The following CERS6 variants were observed in gnomAD, a reference collection of about 807,000 sequenced individuals.
CERS6 encodes the protein ceramide synthase 6, also known as LAG1 homolog, ceramide synthase 6.
Under a neutral mutation model 56.8 loss-of-function variants are expected in CERS6, and 26 were observed. The observed-to-expected ratio is 0.46, with a 90% CI of 0.34 to 0.63. The LOEUF (loss-of-function observed/expected upper bound fraction) is 0.63. CERS6 is among the 30% of genes least tolerant of loss of function. CERS6 has a pLI of 0.01. For synonymous variants in CERS6, 164 were observed against 173.3 expected (o/e 0.95, Z 0.42); for missense variants, 415 against 467.5 (o/e 0.89, Z 1.04).
chr2:168,591,843 G>A (rs947125952), intron 3 of CERS6, among the ~76,000 whole-genome samples: 4 of 152,244 alleles, frequency 2.6e-5, no homozygotes, highest in African/African-American at 9.6e-5. Flanking sequence ...TTAGATTTTA[G>A]AGAAGGGGAC....
intron 8 of CERS6, among the ~76,000 whole-genome samples, chr2:168,728,626 ATTACTC>A (rs970606191): frequency 5.9e-5 from 9 of 151,358 alleles, no homozygotes; most frequent in African/African-American, 2.2e-4. Context: ...ACCTCAGGCA[ATTACTC>A]TTAATATTGA....
At chr2:168,696,562 C>T (rs1686651939) in intron 6 of CERS6, among the ~76,000 whole-genome samples, 1 of 152,212 alleles carries the variant, frequency 6.6e-6, no homozygotes, top group Non-Finnish European at 1.5e-5. Flanking sequence ...GCCAGATTGA[C>T]TGAGTGGCTT....
In CERS6 at chr2:168,769,823, A is replaced by T. The variant is rs545674469; in HGVS notation, c.*161A>T. On this transcript the variant is annotated 3_prime_UTR_variant, in exon 10 of 10. Transcript: ENST00000305747. ...TGCACTGCCATGTGTCCTGTCTGTG[A>T]ATGAAGAAGAATTACCATTCTCTCT... 3.4e-5 allele frequency: 22 copies of T among 646,808 alleles called. No individual in the cohort carries two copies. The highest frequency in any genetic ancestry group is 3.4e-4 in the Admixed American group (10 of 29,624). The allele number at this position is 646,808 out of a possible 1,614,324, so 40.1% of individuals were successfully genotyped here.
At chr2:168,462,710 AT>A (rs946748909) in intron 1 of CERS6, among the ~76,000 whole-genome samples, 1 of 150,842 alleles carries the variant, frequency 6.6e-6, no homozygotes, top group Non-Finnish European at 1.5e-5. Flanking sequence ...CTAATTTTTA[AT>A]TTTTTTTTGG....
At chr2:168,624,971 T>C (rs1205838072) in intron 3 of CERS6, among the ~76,000 whole-genome samples, 1 of 152,200 alleles carries the variant, frequency 6.6e-6, no homozygotes, top group Non-Finnish European at 1.5e-5. Context: ...TGCTCATTTG[T>C]CCAACTGTAT....
intron 8 of CERS6, among the ~76,000 whole-genome samples, chr2:168,726,638 C>T (rs774271176): frequency 1.6e-4 from 25 of 152,238 alleles, no homozygotes; most frequent in African/African-American, 3.9e-4. Context: ...ATGTCCTCAT[C>T]GGTAAAATAA....
At chr2:168,630,268 T>C (rs928947088) in intron 3 of CERS6, among the ~76,000 whole-genome samples, 22 of 150,830 alleles carry the variant, frequency 1.5e-4, no homozygotes, top group African/African-American at 5.1e-4. Context: ...ATTGGGAATT[T>C]AGTACTAGAG....
intron 1 of CERS6, among the ~76,000 whole-genome samples, chr2:168,512,255 G>C (rs1397177618): frequency 6.6e-6 from 1 of 152,100 alleles, no homozygotes; most frequent in Non-Finnish European, 1.5e-5. Flanking sequence ...TCTGGAGATG[G>C]ATGGTGGTGA....
chr2:168,537,862 C>T (rs1471975924), intron 1 of CERS6, among the ~76,000 whole-genome samples: 1 of 152,184 alleles, frequency 6.6e-6, no homozygotes, highest in Non-Finnish European at 1.5e-5. Context: ...GCCTAATAAG[C>T]ATAACCTCAG....
intron 5 of CERS6, 140 bp from the exon 6 acceptor site, chr2:168,694,819 T>C: frequency 4.7e-6 from 3 of 634,682 alleles, no homozygotes; most frequent in Non-Finnish European, 8.4e-6. Flanking sequence ...CCCCATCATC[T>C]ACAAAAAGAA....
chr2:168,532,177 A>G (rs1695180319), intron 1 of CERS6, among the ~76,000 whole-genome samples: 1 of 152,152 alleles, frequency 6.6e-6, no homozygotes, highest in Non-Finnish European at 1.5e-5. Context: ...TTCTTACTGC[A>G]CACTACTCTG....
intron 2 of CERS6, among the ~76,000 whole-genome samples, 156 bp downstream of exon 2, chr2:168,547,857 C>T (rs974407810): frequency 7.2e-5 from 11 of 152,158 alleles, no homozygotes; most frequent in African/African-American, 2.4e-4. Context: ...GTAGTAGAAG[C>T]GGAATGAAGA....
chr2:168,616,885 C>T lies in CERS6; in HGVS notation c.408-14100C>T, dbSNP rs1011574169. The stretch of plus-strand genomic sequence containing the variant: ...TTTACTATACCCTGGAACAAATGGA[C>T]TTAATAGATATTTACACAACATGCT... On this transcript the variant is annotated intron_variant, in intron 3 of 9. Transcript: ENST00000305747. Among the ~76,000 whole-genome samples the T allele has an allele frequency of 5.3e-5, 8 of 151,908 alleles. No individual in the cohort carries two copies. The East Asian group carries it at 1.2e-3, about 23-fold the overall frequency.
chr2:168,689,992 G>A (rs1281801090), intron 4 of CERS6, among the ~76,000 whole-genome samples: 2 of 152,076 alleles, frequency 1.3e-5, no homozygotes, highest in African/African-American at 4.8e-5. Context: ...GTTATTCACA[G>A]ACTCGGGGCC....
chr2:168,659,698 T>G (rs1387406132), intron 4 of CERS6, among the ~76,000 whole-genome samples: 1 of 146,672 alleles, frequency 6.8e-6, no homozygotes, highest in South Asian at 2.1e-4. Flanking sequence ...TTTGTTTTTG[T>G]TTTTTTTTTA....
At chr2:168,752,917 T>C (rs1240230829) in intron 8 of CERS6, among the ~76,000 whole-genome samples, 1 of 152,200 alleles carries the variant, frequency 6.6e-6, no homozygotes, top group African/African-American at 2.4e-5. Context: ...TTGCTCGTTG[T>C]TAGGTTAAAA....
Position 168,543,430 on chromosome 2 carries a change from A to C in CERS6, c.171-4166A>C, listed in dbSNP as rs6718413. ...TCTTTCTCTCAAAATGTTATGAAAG[A>C]CAGCCTTTGTGAACTTATTTATGTT... On this transcript the variant is annotated intron_variant, in intron 1 of 9. Transcript: ENST00000305747. 2.1e-3 allele frequency among the ~76,000 whole-genome samples: 327 copies of C among 152,238 alleles called. 1 individual carries two copies. The highest frequency in any genetic ancestry group is 7.5e-3 in the African/African-American group (310 of 41,524).
chr2:168,470,913 G>A (rs770699114), intron 1 of CERS6, among the ~76,000 whole-genome samples: 6 of 152,074 alleles, frequency 3.9e-5, no homozygotes, highest in Non-Finnish European at 7.3e-5. Flanking sequence ...ATATCTTAGA[G>A]TTTAATGAGA....
chr2:168,581,302 A>G (rs1426506505), intron 3 of CERS6, among the ~76,000 whole-genome samples: 1 of 152,228 alleles, frequency 6.6e-6, no homozygotes, highest in Non-Finnish European at 1.5e-5. Context: ...TACAGGCGTG[A>G]GCCACCATGC....
Sources: allele counts gnomAD v4.1 joint callset (sites outside exome capture counted in the v4.1 genomes callset), GRCh38; gene constraint gnomAD v4.1.1; transcripts MANE v1.5; gene names NCBI Gene and HGNC (gene_info 2026-07-23, HGNC 2026-07-21).